TMC5: variants seen among roughly 807,000 people sequenced by gnomAD.
TMC5 encodes the protein transmembrane channel like 5, also known as transmembrane channel-like protein 5.
Under a neutral mutation model 110.5 loss-of-function variants are expected in TMC5, and 86 were observed. The ratio of observed to expected loss-of-function variants is 0.78; its 90% confidence interval spans 0.65 to 0.93. The LOEUF (loss-of-function observed/expected upper bound fraction) is 0.93. Among genes scored for constraint, TMC5 ranks in the 40% least tolerant of loss-of-function variants. The pLI is 0.00. For synonymous variants in TMC5, 455 were observed against 439.5 expected (o/e 1.04, Z -0.44); for missense variants, 1,144 against 1,222.8 (o/e 0.94, Z 0.96).
intron 1 of TMC5, among the ~76,000 whole-genome samples, chr16:19,428,735 T>A (rs1967136298): frequency 6.6e-6 from 1 of 152,216 alleles, no homozygotes; most frequent in African/African-American, 2.4e-5. Context: ...TCTTGAAAAC[T>A]TAGTAAATTC....
chr16:19,427,529 C>T (rs1025345283), intron 1 of TMC5, among the ~76,000 whole-genome samples: 1 of 152,122 alleles, frequency 6.6e-6, no homozygotes, highest in Non-Finnish European at 1.5e-5. Context: ...TGTTCCATAG[C>T]TACATGTGGC....
chr16:19,441,778 T>C (rs774733852), intron 3 of TMC5, among the ~76,000 whole-genome samples: 2 of 152,118 alleles, frequency 1.3e-5, no homozygotes. Flanking sequence ...TTTTTTGTTG[T>C]TGTTGTTTTT....
chr16:19,490,322 G>A, intron 17 of TMC5, 73 bp from the exon 18 acceptor site: 1 of 1,486,094 alleles, frequency 6.7e-7, no homozygotes, highest in South Asian at 1.2e-5. Flanking sequence ...GAGCCCAGAA[G>A]GGACACCCTG....
intron 4 of TMC5, among the ~76,000 whole-genome samples, chr16:19,446,355 T>C (rs939613929): frequency 1.3e-5 from 2 of 152,212 alleles, no homozygotes; most frequent in African/African-American, 4.8e-5. Flanking sequence ...TCTTTGGTAT[T>C]AAAACTTCTT....
At chr16:19,418,712 A>G (rs1966911527) in intron 1 of TMC5, among the ~76,000 whole-genome samples, 1 of 144,144 alleles carries the variant, frequency 6.9e-6, no homozygotes, top group African/African-American at 2.6e-5. Flanking sequence ...TCTTCCTCTG[A>G]TAAGTGATTT....
intron 2 of TMC5, among the ~76,000 whole-genome samples, chr16:19,431,622 C>T (rs1203268572): frequency 6.6e-6 from 1 of 151,612 alleles, no homozygotes; most frequent in African/African-American, 2.4e-5. Context: ...TTGCCTCTCT[C>T]GGGGCAACTT....
chr16:19,449,779 C>T lies in TMC5; in HGVS notation c.1048+148C>T, dbSNP rs148910993. On this transcript the variant is annotated intron_variant, in intron 5 of 21. Transcript: ENST00000542583. ...GTTCTCATGATATTGAGGGAGTTCC[C>T]TTGAAATCTGATGGTTTAAAAGTGA... 1.1e-3 allele frequency: 778 copies of T among 677,632 alleles called. 11 individuals are homozygous for T. The East Asian group carries it at 0.012, about 10-fold the overall frequency. The allele number at this position is 677,632 out of a possible 1,614,324, so 42.0% of individuals were successfully genotyped here. A position where few individuals can be genotyped will look rare whatever the true frequency, so the allele number is the denominator to read the frequency against.
chr16:19,470,211 C>T (rs1442891269), intron 10 of TMC5, among the ~76,000 whole-genome samples: 1 of 101,646 alleles, frequency 9.8e-6, no homozygotes, highest in Non-Finnish European at 1.9e-5. Context: ...TTTTTTTTAA[C>T]GGAATCTCAC....
rs1353757488 is a variant in TMC5, at chr16:19,466,650, C to G, written c.1637+417C>G. Among the ~76,000 whole-genome samples the G allele has an allele frequency of 2.6e-5, 4 of 152,206 alleles. No homozygotes were observed. The East Asian group carries it at 7.7e-4, about 29-fold the overall frequency. On this transcript the variant is annotated intron_variant, in intron 9 of 21. Transcript: ENST00000542583. ...TACAGGCGTGAGCCACCGTGCCCAG[C>G]CTGCAGTTTTGACTTTCCATTGCTG...
intron 11 of TMC5, among the ~76,000 whole-genome samples, chr16:19,473,362 A>AC (rs1968397510): frequency 7.7e-6 from 1 of 129,306 alleles, no homozygotes; most frequent in Non-Finnish European, 1.6e-5. Flanking sequence ...AAAAAAAAAA[A>AC]AAAAAAAAAA....
chr16:19,467,151 A>AT (rs572866611), intron 9 of TMC5, among the ~76,000 whole-genome samples: 1 of 151,998 alleles, frequency 6.6e-6, no homozygotes, highest in Non-Finnish European at 1.5e-5. Context: ...TCAAAAAAAA[A>AT]AGAGAGAGAA....
chr16:19,488,977 C>A (rs568646669), intron 17 of TMC5, among the ~76,000 whole-genome samples: 163 of 152,306 alleles, frequency 1.1e-3, no homozygotes, highest in African/African-American at 3.6e-3. Flanking sequence ...GAAACTGGGG[C>A]TCTCAGTTCC....
chr16:19,457,236 T>A (rs1404258390), intron 5 of TMC5, among the ~76,000 whole-genome samples: 1 of 151,998 alleles, frequency 6.6e-6, no homozygotes, highest in African/African-American at 2.4e-5. Context: ...CAAAAAAATT[T>A]AAAAAATAAT....
intron 9 of TMC5, 69 bp downstream of exon 9, chr16:19,466,302 A>C (rs118174930): frequency 0.036 from 56,592 of 1,560,576 alleles, 1,221 homozygotes; most frequent in South Asian, 0.046. Flanking sequence ...CAAGAAATTC[A>C]AAAATTACCC....
At chr16:19,483,507 G>A (rs752230278) in intron 15 of TMC5, among the ~76,000 whole-genome samples, 4 of 152,278 alleles carry the variant, frequency 2.6e-5, no homozygotes, top group Middle Eastern at 3.4e-3. Flanking sequence ...GGCCAGGTGC[G>A]GTGGCTCATG....
At chr16:19,458,476 G>T (rs983304236) in intron 5 of TMC5, among the ~76,000 whole-genome samples, 2 of 152,098 alleles carry the variant, frequency 1.3e-5, no homozygotes, top group Admixed American at 6.6e-5. Flanking sequence ...GCCTCCCAAA[G>T]TGCTGGGATT....
intron 19 of TMC5, among the ~76,000 whole-genome samples, chr16:19,492,641 T>A (rs1467961636): frequency 6.6e-6 from 1 of 151,842 alleles, no homozygotes; most frequent in African/African-American, 2.4e-5. Flanking sequence ...AGACAGGGTT[T>A]CACCATGTTG....
chr16:19,494,408 T>G (rs2245423), intron 20 of TMC5, 42 bp downstream of exon 20: 2 of 1,449,496 alleles, frequency 1.4e-6, no homozygotes, highest in African/African-American at 2.8e-5. Context: ...GGACACGAGC[T>G]TGCCTCCATG....
Position 19,444,163 on chromosome 16 carries a change from G to A in TMC5, c.871G>A (p.Asp291Asn). Residue 291 changes from aspartate to asparagine, a missense_variant, in exon 4 of 22, where the codon GAT (aspartate) becomes AAT (asparagine). Physicochemically the swap from Asp to Asn is conservative, Grantham distance 23. Coordinates refer to ENST00000542583, the MANE Select transcript of TMC5 (RefSeq NM_001261841.2). ...CGTGGGCAGTCTTTGGGGAGAGAAT[G>A]ATTACCCTGAAGGCATTGAAATGGC... Reference protein sequence around the residue: ...DPVGSLWGENDYPEGIEMASM... With the variant: ...DPVGSLWGENNYPEGIEMASM... 2 of 1,614,094 alleles carry A rather than the reference G, an allele frequency of 1.2e-6. No homozygotes were observed. The highest frequency in any genetic ancestry group is 1.7e-6 in the Non-Finnish European group (2 of 1,180,020).
Sources: allele counts gnomAD v4.1 joint callset (sites outside exome capture counted in the v4.1 genomes callset), GRCh38; gene constraint gnomAD v4.1.1; transcripts MANE v1.5; gene names NCBI Gene and HGNC (gene_info 2026-07-23, HGNC 2026-07-21).